CARMIL1: variants seen among roughly 807,000 people sequenced by gnomAD.
CARMIL1 encodes capping protein regulator and myosin 1 linker 1, also known as F-actin-uncapping protein LRRC16A.
Under a neutral mutation model 177.1 loss-of-function variants are expected in CARMIL1, and 90 were observed. The observed-to-expected ratio is 0.51, with a 90% CI of 0.43 to 0.61. The LOEUF is 0.61. Ranked by LOEUF, CARMIL1 falls within the 20% of genes least tolerant of loss-of-function variation. CARMIL1 has a pLI of 0.00. For missense variants in CARMIL1, 1,380 were observed against 1,667.0 expected, an observed-to-expected ratio of 0.83 and a Z score of 3.00; for synonymous variants, 577 against 606.2, an observed-to-expected ratio of 0.95 and a Z score of 0.71.
intron 27 of CARMIL1, among the ~76,000 whole-genome samples, chr6:25,553,767 T>C (rs1810358262): frequency 6.6e-6 from 1 of 152,196 alleles, no homozygotes; most frequent in Non-Finnish European, 1.5e-5. Flanking sequence ...CCATTAAATC[T>C]TGAGTTTTGA....
intron 34 of CARMIL1, among the ~76,000 whole-genome samples, chr6:25,605,750 G>C (rs909233546): frequency 2.0e-5 from 3 of 152,178 alleles, no homozygotes; most frequent in Non-Finnish European, 4.4e-5. Context: ...AGTGCATGAA[G>C]AACCACTGTT....
At chr6:25,324,020 G>A (rs901942661) in intron 2 of CARMIL1, among the ~76,000 whole-genome samples, 2 of 152,230 alleles carry the variant, frequency 1.3e-5, no homozygotes, top group Non-Finnish European at 2.9e-5. Context: ...TAGAGGACAA[G>A]CCTGTTCTGG....
At chr6:25,342,326 C>G (rs1005812233) in intron 2 of CARMIL1, among the ~76,000 whole-genome samples, 1 of 152,152 alleles carries the variant, frequency 6.6e-6, no homozygotes, top group Non-Finnish European at 1.5e-5. Context: ...GTGACTTTCC[C>G]TAAGCCACTG....
intron 5 of CARMIL1, among the ~76,000 whole-genome samples, chr6:25,448,022 G>A (rs537504846): frequency 2.6e-4 from 39 of 152,266 alleles, no homozygotes; most frequent in South Asian, 4.2e-4. Context: ...GAGGGCTGCA[G>A]GAGGAAATCC....
chr6:25,466,021 AAAC>A, intron 9 of CARMIL1, 73 bp downstream of exon 9: 1 of 1,128,596 alleles, frequency 8.9e-7, no homozygotes, highest in Non-Finnish European at 1.3e-6. Flanking sequence ...TGTGGGAAAA[AAAC>A]AATTTTTTTA....
chr6:25,300,492 T>G (rs1782770974), intron 2 of CARMIL1, among the ~76,000 whole-genome samples: 1 of 152,116 alleles, frequency 6.6e-6, no homozygotes, highest in African/African-American at 2.4e-5. Flanking sequence ...CATGGCAAAC[T>G]CCTGTCTCTG....
In CARMIL1 at chr6:25,318,690, A is replaced by G. The variant is rs997979641; in HGVS notation, c.138+33781A>G. Among the ~76,000 whole-genome samples, 3 of 152,058 alleles carry G rather than the reference A, an allele frequency of 2.0e-5. No individual in the cohort carries two copies. The East Asian group carries it at 5.8e-4, about 29-fold the overall frequency. ...TTTCTAATACAACTCCAGACCCATC[A>G]GCCACCCGGGAGACCCCACGTGGGA... On this transcript the variant is annotated intron_variant, in intron 2 of 36. Coordinates refer to ENST00000329474, the MANE Select transcript of CARMIL1 (RefSeq NM_017640.6).
chr6:25,331,669 G>A (rs1251620256), intron 2 of CARMIL1, among the ~76,000 whole-genome samples: 1 of 152,174 alleles, frequency 6.6e-6, no homozygotes, highest in African/African-American at 2.4e-5. Context: ...GGGAGCCGAA[G>A]TTCAGTCCTT....
chr6:25,318,709 C>A (rs548982453), intron 2 of CARMIL1, among the ~76,000 whole-genome samples: 1 of 152,108 alleles, frequency 6.6e-6, no homozygotes, highest in Non-Finnish European at 1.5e-5. Flanking sequence ...GGAGACCCCA[C>A]GTGGGAGCTG....
chr6:25,304,760 T>C (rs543420720), intron 2 of CARMIL1, among the ~76,000 whole-genome samples: 17 of 152,342 alleles, frequency 1.1e-4, no homozygotes, highest in African/African-American at 3.4e-4. Context: ...ATTCTGAAAT[T>C]TACAATGTTC....
Position 25,279,549 on chromosome 6 carries a change from G to T in CARMIL1, c.-247G>T. The T allele has an allele frequency of 1.8e-6, 1 of 568,942 alleles. No individual in the cohort carries two copies. The highest frequency in any genetic ancestry group is 3.1e-6 in the Non-Finnish European group (1 of 317,554). The allele number at this position is 568,942 out of a possible 1,614,324, so 35.2% of individuals were successfully genotyped here. ...AATCCGGTCCGCTCCTTATTCAGCC[G>T]CCGGGAACTGCGAGGAGGCGTCATG... is the stretch of plus-strand genomic sequence containing the variant. On this transcript the variant is annotated 5_prime_UTR_variant, in exon 1 of 37. Coordinates refer to ENST00000329474, the MANE Select transcript of CARMIL1 (RefSeq NM_017640.6).
chr6:25,282,396 G>A (rs567715179), intron 1 of CARMIL1, among the ~76,000 whole-genome samples: 1 of 152,218 alleles, frequency 6.6e-6, no homozygotes, highest in East Asian at 1.9e-4. Context: ...AGTGCAGTGA[G>A]CTCTTCTACA....
At chr6:25,341,352 G>T (rs2744229) in intron 2 of CARMIL1, among the ~76,000 whole-genome samples, 65,207 of 152,034 alleles carry the variant, frequency 0.43, 14,202 homozygotes, top group African/African-American at 0.51. Flanking sequence ...CATCTGAGTG[G>T]AACTGATGGT....
rs563473751 is a variant in CARMIL1 at position 25,580,740 on chromosome 6, T to A, written c.2743-184T>A. On this transcript the variant is annotated intron_variant, in intron 29 of 36. Coordinates refer to ENST00000329474, the MANE Select transcript of CARMIL1 (RefSeq NM_017640.6). ...AGGGATGAAACAAAGAGGTTAGCTGTATCATTTGAGAAATTGTAAACATTT... is the reference window on the plus strand; with the variant it reads ...AGGGATGAAACAAAGAGGTTAGCTGAATCATTTGAGAAATTGTAAACATTT... 1.2e-4 allele frequency among the ~76,000 whole-genome samples: 18 copies of A among 152,350 alleles called. 1 individual carries two copies. The South Asian group carries it at 3.7e-3, about 32-fold the overall frequency.
chr6:25,354,276 C>G (rs1053130454), intron 2 of CARMIL1, among the ~76,000 whole-genome samples: 1 of 151,524 alleles, frequency 6.6e-6, no homozygotes, highest in Non-Finnish European at 1.5e-5. Context: ...CCTCCTGCCT[C>G]AGCTTCCGAG....
intron 5 of CARMIL1, 133 bp downstream of exon 5, chr6:25,435,737 T>C (rs1393555935): frequency 9.2e-7 from 1 of 1,092,564 alleles, no homozygotes; most frequent in East Asian, 2.9e-5. Flanking sequence ...AAATATTAAA[T>C]ATCAAAACCC....
chr6:25,300,576 G>A lies in CARMIL1; in HGVS notation c.138+15667G>A, dbSNP rs1455212414. Among the ~76,000 whole-genome samples, 5 of 152,330 alleles carry A rather than the reference G, an allele frequency of 3.3e-5. No individual in the cohort carries two copies. In the East Asian group the frequency reaches 9.6e-4, roughly 29 times the overall value. The stretch of plus-strand genomic sequence containing the variant: ...AGGCATGAGAGTCACTTGAACTCGG[G>A]AGGTAGAGGTTGCAGTGGGCTGAGA... On this transcript the variant is annotated intron_variant, in intron 2 of 36. Coordinates refer to ENST00000329474, the MANE Select transcript of CARMIL1 (RefSeq NM_017640.6).
Position 25,515,610 on chromosome 6 carries a change from G to T in CARMIL1, c.1633-65G>T, listed in dbSNP as rs1805907260. The T allele has an allele frequency of 7.0e-7, 1 of 1,424,154 alleles. No individual in the cohort carries two copies. The highest frequency in any genetic ancestry group is 9.5e-7 in the Non-Finnish European group (1 of 1,050,844). The allele number at this position is 1,424,154 out of a possible 1,614,324, so 88.2% of individuals were successfully genotyped here. ...CATCCCCTCTCATTCTCCACGAAAT[G>T]CGTCGTGGAGAGTGGGTGCTGCTTT... On this transcript the variant is annotated intron_variant, in intron 20 of 36. Coordinates refer to ENST00000329474, the MANE Select transcript of CARMIL1 (RefSeq NM_017640.6). The surrounding 1 kb of genome is among the most constrained non-coding windows in gnomAD (Gnocchi z 5.0).
chr6:25,281,249 GAC>G (rs1310011603), intron 1 of CARMIL1, among the ~76,000 whole-genome samples: 2 of 152,002 alleles, frequency 1.3e-5, no homozygotes. Context: ...TGGAGTGAGT[GAC>G]ACATCCGGTT....
Sources: gnomAD v4.1 joint callset for allele counts (sites outside exome capture counted in the v4.1 genomes callset) on GRCh38, gnomAD v4.1.1 for gene constraint, Gnocchi (gnomAD v3.1) non-coding constraint, MANE v1.5 for transcripts, NCBI Gene and HGNC (gene_info 2026-07-23, HGNC 2026-07-21) for gene names.